The following TMEM132E variants were observed in gnomAD, a reference collection of about 807,000 sequenced individuals.
TMEM132E encodes transmembrane protein 132E.
A neutral mutation model predicts 78.5 loss-of-function variants in TMEM132E; 49 were observed. That is an observed-to-expected ratio of 0.62 (90% CI 0.50 to 0.79). TMEM132E has a LOEUF of 0.79. Among genes scored for constraint, TMEM132E ranks in the 30% least tolerant of loss-of-function variants. The pLI, the probability that TMEM132E is intolerant of heterozygous loss-of-function variation, is 0.00. For missense variants in TMEM132E, 1,403 were observed against 1,470.9 expected (o/e 0.95, Z 0.75); for synonymous variants, 715 against 670.6 (o/e 1.07, Z -1.02).
chr17:34,636,074 G>C lies in TMEM132E; in HGVS notation c.2045G>C (p.Ser682Thr). 2 of 1,592,628 alleles carry C rather than the reference G, an allele frequency of 1.3e-6. No individual in the cohort carries two copies. Among genetic ancestry groups the C allele is most frequent in the Non-Finnish European group, 1.7e-6 (2 of 1,170,920 alleles). ...TLLTVTEEKVSITQLQAQVVA... is the reference protein window; with the variant it reads ...TLLTVTEEKVTITQLQAQVVA... Reference sequence around the variant, plus strand: ...CTGACGGTGACTGAGGAGAAGGTCAGCATCACACAGCTTCAGGCCCAGGTG... The same window carrying C: ...CTGACGGTGACTGAGGAGAAGGTCACCATCACACAGCTTCAGGCCCAGGTG... The change falls in exon 8 of 9, where the codon AGC (serine) becomes ACC (threonine). Residue 682 changes from serine to threonine, a missense_variant. This residue lies in a region of TMEM132E where 888 missense variants were observed against 952.8 expected (regional missense o/e 0.93). Transcript: ENST00000631683.
Position 34,636,136 on chromosome 17 carries a change from G to A in TMEM132E, c.2107G>A (p.Gly703Arg). Residue 703 changes from glycine to arginine, a missense_variant, in exon 8 of 9, where the codon GGG becomes AGG. Around this residue, in one of 3 missense-constraint regions of TMEM132E, gnomAD observed 888 missense variants for 952.8 expected, o/e 0.93. Transcript: ENST00000631683. ...SLALSLRPSP[G>R]SSHTILATTA... Reference sequence around the variant, plus strand: ...GGCCCTCTCCCTGCGGCCCAGCCCTGGGAGCAGCCACACCATCCTAGCCAC... The same window carrying A: ...GGCCCTCTCCCTGCGGCCCAGCCCTAGGAGCAGCCACACCATCCTAGCCAC... The A allele has an allele frequency of 6.3e-7, 1 of 1,588,930 alleles. No individual in the cohort carries two copies. The highest frequency in any genetic ancestry group is 8.6e-7 in the Non-Finnish European group (1 of 1,168,844).
In TMEM132E at chr17:34,626,703, C is replaced by G. The variant is rs1219454373; in HGVS notation, c.644C>G (p.Ser215Cys). 2 of 1,386,708 alleles carry G rather than the reference C, an allele frequency of 1.4e-6. No individual in the cohort carries two copies. The highest frequency in any genetic ancestry group is 9.4e-7 in the Non-Finnish European group (1 of 1,059,324). 85.9% of individuals were successfully genotyped at this position (1,386,708 alleles called of 1,614,324 possible). ...PAAPPTARRKSPDGLEPEATG... is the reference protein window; with the variant it reads ...PAAPPTARRKCPDGLEPEATG... ...GCGCCACCCACGGCCCGCCGCAAGT[C>G]CCCGGACGGGCTGGAGCCCGAGGCG... The change falls in exon 2 of 9, where the codon TCC (serine) becomes TGC (cysteine). Residue 215 changes from serine (S) to cysteine (C), a missense_variant. Transcript: ENST00000631683.
intron 5 of TMEM132E, among the ~76,000 whole-genome samples, chr17:34,631,298 G>A (rs1384700231): frequency 1.3e-5 from 2 of 152,014 alleles, no homozygotes; most frequent in African/African-American, 2.4e-5. Context: ...TGGAACCCCC[G>A]CTCCACTGCA....
chr17:34,600,706 G>A (rs1257233697), intron 1 of TMEM132E, among the ~76,000 whole-genome samples: 4 of 152,144 alleles, frequency 2.6e-5, no homozygotes, highest in Non-Finnish European at 1.5e-5. Flanking sequence ...GTTGGAGTGC[G>A]GCCCCGGCAG....
chr17:34,605,097 C>T (rs1330794294), intron 1 of TMEM132E, among the ~76,000 whole-genome samples: 1 of 152,154 alleles, frequency 6.6e-6, no homozygotes, highest in African/African-American at 2.4e-5. Flanking sequence ...GTAGGCTGCA[C>T]TGAGAGGGAT....
In TMEM132E at chr17:34,605,829, T is replaced by C. The variant is rs565105156; in HGVS notation, c.68-20298T>C. On this transcript the variant is annotated intron_variant, in intron 1 of 8. Coordinates refer to ENST00000631683, the MANE Select transcript of TMEM132E (RefSeq NM_001304438.2). ...GTCTGTTCATGCTTCTCTCCACCTC[T>C]TTAGAACCGACGCTACTTGAGACGT... Among the ~76,000 whole-genome samples, 12 of 152,280 alleles carry C rather than the reference T, an allele frequency of 7.9e-5. No individual in the cohort carries two copies. In the South Asian group the frequency reaches 2.1e-3, roughly 26 times the overall value.
intron 1 of TMEM132E, among the ~76,000 whole-genome samples, chr17:34,622,506 A>T (rs1316506655): frequency 6.6e-6 from 1 of 152,180 alleles, no homozygotes; most frequent in Non-Finnish European, 1.5e-5. Flanking sequence ...TGTTTTCTTG[A>T]TACAGGTTAC....
At chr17:34,605,647 C>T (rs542247493) in intron 1 of TMEM132E, among the ~76,000 whole-genome samples, 6 of 152,310 alleles carry the variant, frequency 3.9e-5, no homozygotes, top group Admixed American at 1.3e-4. Flanking sequence ...AAGATTTATT[C>T]GCTATTGCCA....
chr17:34,637,122 A>G, intron 8 of TMEM132E, 55 bp from the exon 9 acceptor site: 1 of 1,499,358 alleles, frequency 6.7e-7, no homozygotes, highest in Non-Finnish European at 9.0e-7. Context: ...ATCTAGCAGG[A>G]AGCCAGCTGA....
At position 34,626,458 on chromosome 17, in the gene TMEM132E, G is replaced by T. The variant is rs564430970; in HGVS notation, c.399G>T (p.Ser133=). 72 of 1,612,984 alleles carry T rather than the reference G, an allele frequency of 4.5e-5. No homozygotes were observed. In the South Asian group the frequency reaches 5.8e-4, roughly 13 times the overall value. Reference sequence around the variant, plus strand: ...AGGTGCGGGCCTTCATCGTCCGCTCGCACGTGCCCGCCTCGCAGCCCGTGG... The same window carrying T: ...AGGTGCGGGCCTTCATCGTCCGCTCTCACGTGCCCGCCTCGCAGCCCGTGG... ...NWKVRAFIVR[S]HVPASQPVVQ... Residue 133 remains serine, a synonymous_variant, in exon 2 of 9, where the codon TCG becomes TCT. Coordinates refer to ENST00000631683, the MANE Select transcript of TMEM132E (RefSeq NM_001304438.2).
At chr17:34,632,662 A>T (rs1299775259) in intron 5 of TMEM132E, 42 bp from the exon 6 acceptor site, 1 of 1,602,062 alleles carries the variant, frequency 6.2e-7, no homozygotes, top group Non-Finnish European at 8.6e-7. Context: ...TCACAGGAAG[A>T]CCTGTAGGGA....
rs1464291850 is a variant in TMEM132E, at chr17:34,636,208, T to C, written c.2169+10T>C. 2.7e-6 allele frequency: 4 copies of C among 1,471,660 alleles called. No homozygotes were observed. The highest frequency in any genetic ancestry group is 3.6e-6 in the Non-Finnish European group (4 of 1,107,692). 91.2% of individuals were successfully genotyped at this position (1,471,660 alleles called of 1,614,324 possible). On this transcript the variant is annotated intron_variant, in intron 8 of 8. Transcript: ENST00000631683. ...GAGCTTCCTCAAGCAGGTAACTGGC[T>C]CCTTGGCCCACCAGCCAGGGAGTTG...
intron 1 of TMEM132E, among the ~76,000 whole-genome samples, chr17:34,614,030 G>A (rs1567716270): frequency 1.3e-5 from 2 of 152,144 alleles, no homozygotes; most frequent in Non-Finnish European, 1.5e-5. Context: ...TTCCCTCGTG[G>A]TCATCCTGAG....
chr17:34,629,012 G>A lies in TMEM132E; in HGVS notation c.1146G>A (p.Arg382=). The A allele has an allele frequency of 6.4e-7, 1 of 1,553,324 alleles. No homozygotes were observed. The highest frequency in any genetic ancestry group is 1.2e-5 in the South Asian group (1 of 80,978). The change falls in exon 4 of 9, where the codon AGG becomes AGA. Residue 382 remains arginine, a splice_region_variant and synonymous_variant. Coordinates refer to ENST00000631683, the MANE Select transcript of TMEM132E (RefSeq NM_001304438.2). ...AWAQSTPLPP[R]EGQGPLEILQ... ...CTCCTTCCCTCCCCTACCCTGGCAG[G>A]GAGGGCCAGGGCCCCTTGGAGATCT...
chr17:34,626,530 C>T lies in TMEM132E; in HGVS notation c.471C>T (p.Gly157=), dbSNP rs1191472163. The T allele has an allele frequency of 1.2e-6, 2 of 1,600,938 alleles. No individual in the cohort carries two copies. The highest frequency in any genetic ancestry group is 1.3e-5 in the African/African-American group (1 of 74,948). The change falls in exon 2 of 9, where the codon GGC becomes GGT. Residue 157 remains glycine (G), a synonymous_variant. Coordinates refer to ENST00000631683, the MANE Select transcript of TMEM132E (RefSeq NM_001304438.2). ...CCGGCCGGGACTGGGACGACTTCGG[C>T]GTCACCGAGCGGCTGCCCTGTGTCC... ...YVAGRDWDDF[G]VTERLPCVRL...
chr17:34,623,408 C>G (rs944683520), intron 1 of TMEM132E, among the ~76,000 whole-genome samples: 24 of 150,602 alleles, frequency 1.6e-4, no homozygotes, highest in South Asian at 2.1e-4. Context: ...CGCTCCCCCC[C>G]CCCCCCCCGT....
At chr17:34,584,296 CT>C (rs1207356062) in intron 1 of TMEM132E, among the ~76,000 whole-genome samples, 1 of 152,262 alleles carries the variant, frequency 6.6e-6, no homozygotes. Context: ...ATCTGGAATA[CT>C]TTGCCTCCAG....
intron 1 of TMEM132E, among the ~76,000 whole-genome samples, chr17:34,585,733 C>A (rs1905649344): frequency 6.6e-6 from 1 of 152,196 alleles, no homozygotes; most frequent in African/African-American, 2.4e-5. Flanking sequence ...TGGTTGCAAG[C>A]AGTCATGATA....
intron 8 of TMEM132E, 134 bp from the exon 9 acceptor site, chr17:34,637,043 C>T (rs1907544449): frequency 1.3e-6 from 1 of 761,286 alleles, no homozygotes; most frequent in Admixed American, 2.6e-5. Flanking sequence ...AGGTCACAGG[C>T]ACAGTTCCAG....
Sources: gnomAD v4.1 joint callset for allele counts (sites outside exome capture counted in the v4.1 genomes callset) on GRCh38, gnomAD v4.1.1 for gene constraint, gnomAD v4.1.1 regional missense constraint, MANE v1.5 for transcripts, NCBI Gene and HGNC (gene_info 2026-07-23, HGNC 2026-07-21) for gene names.